The following IGSF10 variants were observed in gnomAD, a reference collection of about 807,000 sequenced individuals.
IGSF10 encodes the protein calvaria mechanical force protein 608.
Under a neutral mutation model 128.2 loss-of-function variants are expected in IGSF10, and 126 were observed. The observed-to-expected ratio is 0.98, with a 90% CI of 0.85 to 1.14. IGSF10 has a LOEUF of 1.14. Among genes scored for constraint, IGSF10 ranks in the 50% most tolerant of loss-of-function variants. The pLI, the probability that IGSF10 is intolerant of heterozygous loss-of-function variation, is 0.00. For synonymous variants in IGSF10, 1,185 were observed against 1,146.2 expected, an observed-to-expected ratio of 1.03 and a Z score of -0.68; for missense variants, 3,295 against 3,149.8, an observed-to-expected ratio of 1.05 and a Z score of -1.10.
At chr3:151,480,109 T>C in the IGSF10 span, among the ~76,000 whole-genome samples, 125,875 of 152,094 alleles carry the variant, frequency 0.83, 52,158 homozygotes, top group Middle Eastern at 0.94. Context: ...GTCAGCAAGA[T>C]GGCCGACTAG....
intron 3 of IGSF10, 98 bp from the exon 4 acceptor site, chr3:151,457,253 T>A (rs994539918): frequency 9.2e-7 from 1 of 1,091,408 alleles, no homozygotes; most frequent in Non-Finnish European, 1.3e-6. Flanking sequence ...AATACCTCTC[T>A]TTATAACTGT....
chr3:151,602,438 A>G, the IGSF10 span, among the ~76,000 whole-genome samples: 1 of 152,232 alleles, frequency 6.6e-6, no homozygotes, highest in African/African-American at 2.4e-5. Flanking sequence ...GCCCAATGCT[A>G]CATGTGTGGC....
In IGSF10 at chr3:151,443,651, T is replaced by C; in HGVS notation, c.5296A>G (p.Lys1766Glu). ...TVHSGSTVEL[K>E]CRAEGRPSPT... ...CTTGGCCTACCTTCTGCTCTGCACT[T>C]CAGTTCCACAGTGCTTCCGGAATGA... Residue 1766 changes from lysine to glutamate, a missense_variant, in exon 7 of 8, where the codon AAG becomes GAG. Physicochemically the swap from Lys to Glu is moderately conservative, Grantham distance 56. Coordinates refer to ENST00000282466, the MANE Select transcript of IGSF10 (RefSeq NM_178822.5). 2 of 1,614,218 alleles carry C rather than the reference T, an allele frequency of 1.2e-6. No homozygotes were observed. The highest frequency in any genetic ancestry group is 1.7e-6 in the Non-Finnish European group (2 of 1,180,038).
the IGSF10 span, among the ~76,000 whole-genome samples, chr3:151,485,875 A>C: frequency 1.1e-3 from 165 of 152,324 alleles, no homozygotes; most frequent in Non-Finnish European, 1.3e-3. Context: ...CATCCACACT[A>C]TGAAGAAACT....
the IGSF10 span, among the ~76,000 whole-genome samples, chr3:151,494,858 CA>C: frequency 6.6e-6 from 1 of 152,080 alleles, no homozygotes; most frequent in East Asian, 1.9e-4. Flanking sequence ...TATTTTAAGG[CA>C]GTGCCATTAA....
the IGSF10 span, among the ~76,000 whole-genome samples, chr3:151,576,081 C>T: frequency 9.9e-5 from 15 of 151,796 alleles, no homozygotes; most frequent in East Asian, 3.9e-4. Flanking sequence ...TTGATGTGTG[C>T]GTGTTGGTCT....
chr3:151,554,246 C>T, the IGSF10 span, among the ~76,000 whole-genome samples: 2 of 151,804 alleles, frequency 1.3e-5, no homozygotes, highest in Non-Finnish European at 2.9e-5. Context: ...CCCTTAAATT[C>T]CAAAGATTTT....
chr3:151,535,170 C>T, the IGSF10 span, among the ~76,000 whole-genome samples: 5 of 152,096 alleles, frequency 3.3e-5, no homozygotes, highest in Non-Finnish European at 7.4e-5. Context: ...ACTATTAAAT[C>T]TAGTTATCAT....
At chr3:151,494,735 CTG>C in the IGSF10 span, among the ~76,000 whole-genome samples, 2 of 152,062 alleles carry the variant, frequency 1.3e-5, no homozygotes, top group African/African-American at 4.8e-5. Flanking sequence ...TTACTTTTAA[CTG>C]TAATTCTCTT....
At chr3:151,550,460 G>T in the IGSF10 span, among the ~76,000 whole-genome samples, 1 of 152,104 alleles carries the variant, frequency 6.6e-6, no homozygotes, top group Non-Finnish European at 1.5e-5. Context: ...GGCATTTGAG[G>T]TTTCTGCACA....
chr3:151,444,783 T>G, intron 6 of IGSF10, 136 bp downstream of exon 6: 2 of 736,606 alleles, frequency 2.7e-6, no homozygotes, highest in Non-Finnish European at 4.3e-6. Flanking sequence ...CAGTGTCAAA[T>G]GAGGATATTA....
chr3:151,486,338 C>T, the IGSF10 span, among the ~76,000 whole-genome samples: 1 of 152,092 alleles, frequency 6.6e-6, no homozygotes, highest in Non-Finnish European at 1.5e-5. Flanking sequence ...TAGAGCCCTG[C>T]AAAGAGACTT....
chr3:151,475,187 G>C, the IGSF10 span, among the ~76,000 whole-genome samples: 1 of 152,074 alleles, frequency 6.6e-6, no homozygotes, highest in Non-Finnish European at 1.5e-5. Flanking sequence ...GATTCATTCA[G>C]CTGGAAAAAA....
At position 151,437,932 on chromosome 3, in the gene IGSF10, T is replaced by C. The variant is rs1720512350; in HGVS notation, c.6629A>G (p.Glu2210Gly). Residue 2210 changes from glutamate (E) to glycine (G), a missense_variant, in exon 8 of 8, where the codon GAG becomes GGG. By Grantham distance (98) the Glu-to-Gly change is moderately conservative (BLOSUM62 -2). Coordinates refer to ENST00000282466, the MANE Select transcript of IGSF10 (RefSeq NM_178822.5). ...INKVKLLDSG[E>G]YVCVARNPSG... ...GGGATTTCGGGCTACACATACGTAC[T>C]CTCCAGAATCGAGCAGTTTCACTTT... 2 of 1,614,222 alleles carry C rather than the reference T, an allele frequency of 1.2e-6. No individual in the cohort carries two copies. The highest frequency in any genetic ancestry group is 1.7e-6 in the Non-Finnish European group (2 of 1,180,026).
the IGSF10 span, among the ~76,000 whole-genome samples, chr3:151,590,994 A>G: frequency 6.6e-6 from 1 of 152,034 alleles, no homozygotes; most frequent in East Asian, 1.9e-4. Context: ...AGCAGAATGG[A>G]TTAGAGAGAG....
chr3:151,500,273 G>A, the IGSF10 span, among the ~76,000 whole-genome samples: 1 of 152,086 alleles, frequency 6.6e-6, no homozygotes, highest in South Asian at 2.1e-4. Flanking sequence ...TAGGAAAAGA[G>A]AATGAATCAT....
At chr3:151,578,756 C>A in the IGSF10 span, among the ~76,000 whole-genome samples, 1 of 152,084 alleles carries the variant, frequency 6.6e-6, no homozygotes, top group Admixed American at 6.6e-5. Flanking sequence ...CCCATTGGAG[C>A]TAGGAGAAGA....
the IGSF10 span, among the ~76,000 whole-genome samples, chr3:151,592,143 G>A: frequency 1.3e-5 from 2 of 151,966 alleles, no homozygotes; most frequent in Non-Finnish European, 2.9e-5. Flanking sequence ...TTGGGTCAAT[G>A]ACAGAACTTT....
At chr3:151,569,716 C>T in the IGSF10 span, among the ~76,000 whole-genome samples, 1 of 151,928 alleles carries the variant, frequency 6.6e-6, no homozygotes, top group African/African-American at 2.4e-5. Flanking sequence ...TTGATCATGG[C>T]ATTATAACTA....
Sources: allele counts gnomAD v4.1 joint callset (sites outside exome capture counted in the v4.1 genomes callset), GRCh38; gene constraint gnomAD v4.1.1; transcripts MANE v1.5; gene names NCBI Gene and HGNC (gene_info 2026-07-23, HGNC 2026-07-21).